ZNF493: variants seen among roughly 807,000 people sequenced by gnomAD.
ZNF493 encodes zinc finger protein 493.
In ZNF493, 11 loss-of-function variants were observed where a neutral mutation model predicts 12.2. The ratio of observed to expected loss-of-function variants is 0.90; its 90% confidence interval spans 0.57 to 1.50. The LOEUF is 1.50. ZNF493 is among the 40% of genes most tolerant of loss of function. The pLI, the probability that ZNF493 is intolerant of heterozygous loss-of-function variation, is 0.00. For synonymous variants in ZNF493, 286 were observed against 302.6 expected (o/e 0.95, Z 0.57); for missense variants, 950 against 906.6 (o/e 1.05, Z -0.61).
At chr19:21,406,606 A>G (rs1301621228) in intron 3 of ZNF493, among the ~76,000 whole-genome samples, 2 of 152,184 alleles carry the variant, frequency 1.3e-5, no homozygotes, top group Non-Finnish European at 2.9e-5. Context: ...CATCATTTCT[A>G]AAATGTATGA....
intron 3 of ZNF493, among the ~76,000 whole-genome samples, chr19:21,411,758 G>T (rs2030333738): frequency 1.6e-5 from 2 of 127,914 alleles, no homozygotes; most frequent in Non-Finnish European, 3.3e-5. Flanking sequence ...ATAAAACTGT[G>T]CTATTGTAAT....
intron 3 of ZNF493, among the ~76,000 whole-genome samples, chr19:21,418,046 ACT>A (rs1020284373): frequency 1.3e-5 from 2 of 151,968 alleles, no homozygotes; most frequent in African/African-American, 4.8e-5. Flanking sequence ...CCTCTATATC[ACT>A]CTCTCGTCTA....
chr19:21,411,556 C>T (rs2030327618), intron 3 of ZNF493, among the ~76,000 whole-genome samples: 1 of 151,814 alleles, frequency 6.6e-6, no homozygotes, highest in African/African-American at 2.4e-5. Flanking sequence ...CCCGTCTCTA[C>T]TAAAATACAA....
chr19:21,399,981 G>A (rs1345064083), intron 1 of ZNF493, among the ~76,000 whole-genome samples: 1 of 152,110 alleles, frequency 6.6e-6, no homozygotes, highest in Non-Finnish European at 1.5e-5. Context: ...AATATTATGA[G>A]ATGAAACTTG....
rs115108693 is a variant in ZNF493 at position 21,423,923 on chromosome 19, A to G, written c.1264A>G (p.Thr422Ala). The change falls in exon 4 of 4, where the codon ACA becomes GCA. Residue 422 changes from threonine (T) to alanine (A), a missense_variant. Thr to Ala is a moderately conservative substitution (Grantham distance 58). Coordinates refer to ENST00000392288, the MANE Select transcript of ZNF493 (RefSeq NM_001076678.3). ...KAYKESSHLT[T>A]HKRIHTGEKP... ...TTATAAGGAGTCTTCACACCTTACT[A>G]CACATAAAAGAATTCATACTGGAGA... 869 of 1,613,408 alleles carry G rather than the reference A, an allele frequency of 5.4e-4. 6 individuals carry two copies. In the East Asian group the frequency reaches 0.014, roughly 27 times the overall value.
rs755594208 is a variant in ZNF493 at position 21,424,746 on chromosome 19, G to A, written c.2087G>A (p.Arg696Gln). The change falls in exon 4 of 4, where the codon CGA becomes CAA. Residue 696 changes from arginine to glutamine, a missense_variant. Coordinates refer to ENST00000392288, the MANE Select transcript of ZNF493 (RefSeq NM_001076678.3). ...GAAAAATGTGGCAAAACTTTCTACC[G>A]ATTCTCAAACCTTAATACGCATAAG... Reference protein sequence around the residue: ...KCEKCGKTFYRFSNLNTHKII... With the variant: ...KCEKCGKTFYQFSNLNTHKII... The A allele has an allele frequency of 3.1e-6, 5 of 1,612,378 alleles. No homozygotes were observed. The highest frequency in any genetic ancestry group is 3.4e-6 in the Non-Finnish European group (4 of 1,179,396).
At chr19:21,416,028 A>G (rs545949298) in intron 3 of ZNF493, among the ~76,000 whole-genome samples, 4 of 152,214 alleles carry the variant, frequency 2.6e-5, no homozygotes, top group South Asian at 2.1e-4. Flanking sequence ...TGTTGGAGCT[A>G]TGTGCCCATT....
In ZNF493 at chr19:21,420,612, T is replaced by A. The variant is rs2030634028; in HGVS notation, c.254-2301T>A. Among the ~76,000 whole-genome samples, 5 of 19,830 alleles carry A rather than the reference T, an allele frequency of 2.5e-4. 1 individual carries two copies. The South Asian group carries it at 8.6e-3, about 34-fold the overall frequency. The allele number at this position is 19,830 out of a possible 152,430, so 13.0% of individuals were successfully genotyped here. A position where few individuals can be genotyped will look rare whatever the true frequency, so the allele number is the denominator to read the frequency against. Reference sequence around the variant, plus strand: ...TTGATTATATATATATATATATATATATATATATATATTTTTTTTTTTTTT... The same window carrying A: ...TTGATTATATATATATATATATATAAATATATATATATTTTTTTTTTTTTT... On this transcript the variant is annotated intron_variant, in intron 3 of 3. Transcript: ENST00000392288.
At position 21,423,403 on chromosome 19, in the gene ZNF493, G is replaced by A; in HGVS notation, c.744G>A (p.Gln248=). 1 of 1,613,490 alleles carries A rather than the reference G, an allele frequency of 6.2e-7. No individual in the cohort carries two copies. The highest frequency in any genetic ancestry group is 2.2e-5 in the East Asian group (1 of 44,766). ...ATGAATGTGGCAAATCTTTTAACCA[G>A]GACTCAAACCTTACTACACATAAGA... The part of the protein sequence containing the change: ...YKYECGKSFN[Q]DSNLTTHKRI... Residue 248 remains glutamine (Q), a synonymous_variant, in exon 4 of 4, where the codon CAG becomes CAA. Coordinates refer to ENST00000392288, the MANE Select transcript of ZNF493 (RefSeq NM_001076678.3).
chr19:21,423,586 T>C lies in ZNF493; in HGVS notation c.927T>C (p.Thr309=). 2 of 1,613,712 alleles carry C rather than the reference T, an allele frequency of 1.2e-6. No individual in the cohort carries two copies. Among genetic ancestry groups the C allele is most frequent in the African/African-American group, 2.7e-5 (2 of 75,030 alleles). ...GKTFNQSSTL[T]GHKIIHNGEK... ...CTTTTAACCAATCTTCAACCCTTAC[T>C]GGACATAAGATAATTCATAATGGAG... Residue 309 remains threonine, a synonymous_variant, in exon 4 of 4, where the codon ACT becomes ACC. Coordinates refer to ENST00000392288, the MANE Select transcript of ZNF493 (RefSeq NM_001076678.3).
At chr19:21,412,947 GC>G in intron 3 of ZNF493, 1 of 424,204 alleles carries the variant, frequency 2.4e-6, no homozygotes, top group Non-Finnish European at 4.6e-6. Context: ...CCACTATACT[GC>G]CATGGTTCCA....
intron 3 of ZNF493, among the ~76,000 whole-genome samples, chr19:21,417,797 A>G (rs1422358212): frequency 6.6e-6 from 1 of 152,126 alleles, no homozygotes; most frequent in African/African-American, 2.4e-5. Flanking sequence ...ACCAAGTTTT[A>G]AATTGTAAGA....
At chr19:21,422,423 C>CTTTA (rs56412249) in intron 3 of ZNF493, among the ~76,000 whole-genome samples, 53,327 of 128,886 alleles carry the variant, frequency 0.41, 11,289 homozygotes, top group East Asian at 0.52. Flanking sequence ...CAAGTTACTT[C>CTTTA]TTTATTTATT....
chr19:21,400,965 G>C (rs1379322984), intron 1 of ZNF493, among the ~76,000 whole-genome samples: 1 of 152,100 alleles, frequency 6.6e-6, no homozygotes, highest in Non-Finnish European at 1.5e-5. Flanking sequence ...TTCCCTGATT[G>C]TTCTGGCCGA....
At position 21,399,411 on chromosome 19, in the gene ZNF493, C is replaced by T. The variant is rs138235495; in HGVS notation, c.30+2144C>T. Among the ~76,000 whole-genome samples, 1,365 of 152,160 alleles carry T rather than the reference C, an allele frequency of 9.0e-3. 10 individuals carry two copies. Among genetic ancestry groups the T allele is most frequent in the Non-Finnish European group, 0.014 (970 of 68,004 alleles). ...TCCTGACCTCATAATCCATCCGCCT[C>T]GGCCTCCCAAAGTGCTGGGATTACA... On this transcript the variant is annotated intron_variant, in intron 1 of 3. Transcript: ENST00000392288.
At position 21,426,997 on chromosome 19, in the gene ZNF493, ACT is replaced by A. The variant is rs1230874397; in HGVS notation, c.*2015_*2016del. ...GATTTTTTGAAAAGCAAATGATGTAACTCAACTCATTATTTTCTGCTGTTTCT... is the reference window on the plus strand; with the variant it reads ...GATTTTTTGAAAAGCAAATGATGTAACAACTCATTATTTTCTGCTGTTTCT... On this transcript the variant is annotated 3_prime_UTR_variant, in exon 4 of 4. Transcript: ENST00000392288. The A allele has an allele frequency of 1.0e-4, 17 of 166,952 alleles. No homozygotes were observed. The highest frequency in any genetic ancestry group is 2.0e-4 in the Admixed American group (3 of 15,276). The allele number at this position is 166,952 out of a possible 1,614,324, so 10.3% of individuals were successfully genotyped here. A position where few individuals can be genotyped will look rare whatever the true frequency, so the allele number is the denominator to read the frequency against.
At chr19:21,404,808 AT>A (rs1262767878) in intron 1 of ZNF493, among the ~76,000 whole-genome samples, 1 of 152,242 alleles carries the variant, frequency 6.6e-6, no homozygotes, top group African/African-American at 2.4e-5. Flanking sequence ...TGTCTGAAAA[AT>A]ATACACAACT....
At chr19:21,415,554 A>G (rs2030462112) in intron 3 of ZNF493, among the ~76,000 whole-genome samples, 1 of 152,178 alleles carries the variant, frequency 6.6e-6, no homozygotes, top group South Asian at 2.1e-4. Flanking sequence ...AAGAAATCAA[A>G]TTTTGCAAGG....
At chr19:21,413,528 G>A (rs530262830) in intron 3 of ZNF493, 5 of 401,902 alleles carry the variant, frequency 1.2e-5, no homozygotes, top group East Asian at 3.5e-5. Context: ...TGTGTTCGAC[G>A]TGTGTTGCTT....
Sources: allele counts gnomAD v4.1 joint callset (sites outside exome capture counted in the v4.1 genomes callset), GRCh38; gene constraint gnomAD v4.1.1; transcripts MANE v1.5; gene names NCBI Gene and HGNC (gene_info 2026-07-23, HGNC 2026-07-21).